SMPD3: variants seen among roughly 807,000 people sequenced by gnomAD.
SMPD3 encodes sphingomyelin phosphodiesterase 3, also known as nSMase-2.
A neutral mutation model predicts 55.7 loss-of-function variants in SMPD3; 21 were observed. That is an observed-to-expected ratio of 0.38 (90% CI 0.27 to 0.54). The LOEUF (loss-of-function observed/expected upper bound fraction) is 0.54, where lower values mean the gene tolerates loss of function less well. SMPD3 is among the 20% of genes least tolerant of loss of function. The pLI is 0.80. For synonymous variants in SMPD3, 457 were observed against 404.3 expected, an observed-to-expected ratio of 1.13 and a Z score of -1.56; for missense variants, 842 against 899.6, an observed-to-expected ratio of 0.94 and a Z score of 0.82.
chr16:68,446,484 T>TACACAC (rs3978672), intron 1 of SMPD3, among the ~76,000 whole-genome samples: 1,466 of 143,830 alleles, frequency 0.01, 19 homozygotes, highest in African/African-American at 0.026. Context: ...GTGGTTCATC[T>TACACAC]ACACACACAC....
chr16:68,426,065 C>A (rs547430261), intron 1 of SMPD3, among the ~76,000 whole-genome samples: 1 of 152,258 alleles, frequency 6.6e-6, no homozygotes, highest in East Asian at 1.9e-4. Context: ...ACTTAAGACA[C>A]AACAAAGGTG....
chr16:68,385,054 C>T (rs1445892978), intron 2 of SMPD3, among the ~76,000 whole-genome samples: 2 of 152,202 alleles, frequency 1.3e-5, no homozygotes, highest in Non-Finnish European at 2.9e-5. Flanking sequence ...TAACAGCCGC[C>T]TCTTGGGGAT....
At chr16:68,425,417 A>G (rs1219560628) in intron 1 of SMPD3, among the ~76,000 whole-genome samples, 1 of 152,166 alleles carries the variant, frequency 6.6e-6, no homozygotes, top group Non-Finnish European at 1.5e-5. Context: ...AAGGTTTCAC[A>G]TGAATAATCA....
intron 1 of SMPD3, among the ~76,000 whole-genome samples, chr16:68,429,629 G>A (rs1479359384): frequency 6.6e-6 from 1 of 152,210 alleles, no homozygotes; most frequent in African/African-American, 2.4e-5. Context: ...CTGGGGAGGG[G>A]TGGGGTTGTG....
Position 68,387,470 on chromosome 16 carries a change from G to C in SMPD3, c.-268-811C>G, listed in dbSNP as rs142281363. On this transcript the variant is annotated intron_variant, in intron 1 of 8. Coordinates refer to ENST00000219334, the MANE Select transcript of SMPD3 (RefSeq NM_018667.4). ...GTCCCAGTTTGTAGTCCCCGCCCTT[G>C]CCCACTAGTCCCGCCCCTGGCCTTA... Among the ~76,000 whole-genome samples, 890 of 152,208 alleles carry C rather than the reference G, an allele frequency of 5.8e-3. 5 individuals are homozygous for C. Among genetic ancestry groups the C allele is most frequent in the African/African-American group, 0.02 (840 of 41,518 alleles).
At chr16:68,440,060 TC>T (rs1567812054) in intron 1 of SMPD3, among the ~76,000 whole-genome samples, 1 of 152,206 alleles carries the variant, frequency 6.6e-6, no homozygotes, top group Non-Finnish European at 1.5e-5. Flanking sequence ...GTTACTGATA[TC>T]CTACGTTTTG....
intron 1 of SMPD3, among the ~76,000 whole-genome samples, chr16:68,419,835 C>T (rs1489964262): frequency 1.3e-5 from 2 of 152,172 alleles, no homozygotes; most frequent in Non-Finnish European, 2.9e-5. Context: ...AGAGAACAGA[C>T]TTTGAAGCCA....
intron 1 of SMPD3, among the ~76,000 whole-genome samples, chr16:68,430,706 T>C (rs1228866576): frequency 6.6e-6 from 1 of 152,224 alleles, no homozygotes; most frequent in Non-Finnish European, 1.5e-5. Flanking sequence ...AAACACATCA[T>C]GCAGAATCAC....
intron 2 of SMPD3, 47 bp from the exon 3 acceptor site, chr16:68,372,434 A>G: frequency 1.8e-6 from 1 of 549,786 alleles, no homozygotes; most frequent in Non-Finnish European, 3.3e-6. Flanking sequence ...TCTTCAGGGG[A>G]GTGGGTCAGA....
At chr16:68,378,157 G>A (rs1371467330) in intron 2 of SMPD3, among the ~76,000 whole-genome samples, 16 of 152,176 alleles carry the variant, frequency 1.1e-4, no homozygotes, top group Admixed American at 3.3e-4. Context: ...GCTATGCCAA[G>A]CCCCTGGTTT....
intron 1 of SMPD3, among the ~76,000 whole-genome samples, chr16:68,420,475 T>C (rs1023389888): frequency 1.3e-5 from 2 of 152,216 alleles, no homozygotes; most frequent in Non-Finnish European, 1.5e-5. Flanking sequence ...TTACCCAGGC[T>C]TAAAAGGGAT....
At position 68,404,305 on chromosome 16, in the gene SMPD3, G is replaced by A. The variant is rs1352197153; in HGVS notation, c.-268-17646C>T. 2.6e-5 allele frequency among the ~76,000 whole-genome samples: 4 copies of A among 151,510 alleles called. No individual in the cohort carries two copies. The highest frequency in any genetic ancestry group is 1.9e-4 in the East Asian group (1 of 5,164). On this transcript the variant is annotated intron_variant, in intron 1 of 8. Transcript: ENST00000219334. The surrounding 1 kb of genome is among the most constrained non-coding windows in gnomAD (Gnocchi z 4.0). The stretch of plus-strand genomic sequence containing the variant: ...AGTAGAGATGGGGTTTCTCCATGTC[G>A]GTCAGGCTGGTCTCGAACTCCCGAC...
rs750907580 is a variant in SMPD3 at position 68,371,137 on chromosome 16, C to A, written c.1045G>T (p.Val349Phe). 1.2e-6 allele frequency: 2 copies of A among 1,613,808 alleles called. No individual in the cohort carries two copies. The highest frequency in any genetic ancestry group is 1.7e-6 in the Non-Finnish European group (2 of 1,180,038). The part of the protein sequence containing the change: ...RHPDEAFDHE[V>F]SAFFPANLDF... ...AGGTTGGCGGGGAAGAAGGCGGAGA[C>A]CTCATGGTCGAAGGCCTCGTCGGGG... is the stretch of plus-strand genomic sequence containing the variant. Residue 349 changes from valine (V) to phenylalanine (F), a missense_variant, in exon 3 of 9, where the codon GTC becomes TTC. Coordinates refer to ENST00000219334, the MANE Select transcript of SMPD3 (RefSeq NM_018667.4).
Position 68,372,350 on chromosome 16 carries a change from T to C in SMPD3, c.-169A>G. Reference sequence around the variant, plus strand: ...GCGAATGTTGGCCAGCCGGTCATGGTTCACCTCGGTGGGCCATGCGGAGGC... The same window carrying C: ...GCGAATGTTGGCCAGCCGGTCATGGCTCACCTCGGTGGGCCATGCGGAGGC... On this transcript the variant is annotated 5_prime_UTR_variant, in exon 3 of 9. Coordinates refer to ENST00000219334, the MANE Select transcript of SMPD3 (RefSeq NM_018667.4). 5 of 861,298 alleles carry C rather than the reference T, an allele frequency of 5.8e-6. No homozygotes were observed. Among genetic ancestry groups the C allele is most frequent in the Non-Finnish European group, 9.0e-6 (5 of 555,540 alleles). The allele number at this position is 861,298 out of a possible 1,614,324, so 53.4% of individuals were successfully genotyped here. A position where few individuals can be genotyped will look rare whatever the true frequency, so the allele number is the denominator to read the frequency against.
chr16:68,446,061 G>T (rs2090607134), intron 1 of SMPD3, among the ~76,000 whole-genome samples: 1 of 152,154 alleles, frequency 6.6e-6, no homozygotes, highest in Non-Finnish European at 1.5e-5. Context: ...GACAAAAGTT[G>T]CCTTGCAACG....
chr16:68,422,017 TGGAAGAAGAGGATGACAA>T (rs1310147008), intron 1 of SMPD3, among the ~76,000 whole-genome samples: 2 of 151,992 alleles, frequency 1.3e-5, no homozygotes, highest in African/African-American at 4.8e-5. Context: ...CCGCTGAAGG[TGGAAGAAGAGGATGACAA>T]GGAAGCAGAG....
intron 1 of SMPD3, among the ~76,000 whole-genome samples, chr16:68,438,694 C>T (rs532350986): frequency 2.0e-5 from 3 of 152,294 alleles, no homozygotes; most frequent in South Asian, 4.1e-4. Context: ...CCTTGCCTTC[C>T]TTCCCCATCC....
intron 1 of SMPD3, among the ~76,000 whole-genome samples, chr16:68,435,402 T>C (rs2090514810): frequency 6.6e-6 from 1 of 152,252 alleles, no homozygotes; most frequent in Non-Finnish European, 1.5e-5. Flanking sequence ...CAGGTATTGC[T>C]CTAATATATT....
intron 5 of SMPD3, among the ~76,000 whole-genome samples, chr16:68,364,164 T>G (rs1267107188): frequency 1.4e-5 from 2 of 147,124 alleles, no homozygotes; most frequent in African/African-American, 5.5e-5. Context: ...ACAAGGTCCA[T>G]GTGGTCATCG....
Sources: allele counts gnomAD v4.1 joint callset (sites outside exome capture counted in the v4.1 genomes callset), GRCh38; gene constraint gnomAD v4.1.1; non-coding constraint Gnocchi (gnomAD v3.1); transcripts MANE v1.5; gene names NCBI Gene and HGNC (gene_info 2026-07-23, HGNC 2026-07-21).